MGST1: variants seen among roughly 807,000 people sequenced by gnomAD.
MGST1 encodes the protein glutathione S-transferase 12.
A neutral mutation model predicts 8.9 loss-of-function variants in MGST1; 5 were observed. The ratio of observed to expected loss-of-function variants is 0.56; its 90% CI spans 0.29 to 1.19. MGST1 has a LOEUF of 1.19. MGST1 is among the 50% of genes most tolerant of loss of function. The probability of loss-of-function intolerance (pLI) is 0.08; values close to 1 mark genes in which losing one functional copy is unlikely to be tolerated. For synonymous variants in MGST1, 54 were observed against 67.8 expected (o/e 0.80, Z 1.00); for missense variants, 182 against 187.4 (o/e 0.97, Z 0.17).
At chr12:16,372,732 G>A (rs990532058) in intron 3 of MGST1, among the ~76,000 whole-genome samples, 1 of 151,576 alleles carries the variant, frequency 6.6e-6, no homozygotes, top group Non-Finnish European at 1.5e-5. Flanking sequence ...GTACTCTCAC[G>A]TGTATTACAG....
chr12:16,450,091 A>T (rs1306057525), intron 4 of MGST1, among the ~76,000 whole-genome samples: 1 of 151,972 alleles, frequency 6.6e-6, no homozygotes, highest in Non-Finnish European at 1.5e-5. Flanking sequence ...TTATAGCCAC[A>T]CTGTGACATG....
chr12:16,502,765 C>A (rs553845661), intron 4 of MGST1, among the ~76,000 whole-genome samples: 2 of 152,206 alleles, frequency 1.3e-5, no homozygotes, highest in African/African-American at 4.8e-5. Context: ...ATATGTTACA[C>A]TAAGCATTGT....
At chr12:16,492,139 T>C (rs1366059825) in intron 4 of MGST1, among the ~76,000 whole-genome samples, 1 of 152,226 alleles carries the variant, frequency 6.6e-6, no homozygotes, top group Non-Finnish European at 1.5e-5. Context: ...TGGAATGATA[T>C]GTAGGATGGT....
chr12:16,469,341 A>G (rs1272608703), intron 4 of MGST1, among the ~76,000 whole-genome samples: 1 of 152,012 alleles, frequency 6.6e-6, no homozygotes. Flanking sequence ...ATGTGCCACC[A>G]TGTCCAGCTA....
chr12:16,489,825 C>T (rs775079327), intron 4 of MGST1, among the ~76,000 whole-genome samples: 17 of 152,150 alleles, frequency 1.1e-4, no homozygotes, highest in Non-Finnish European at 2.9e-5. Context: ...TTATTTTCTA[C>T]CGCCATGAAA....
rs911367416 is a variant in MGST1, at chr12:16,585,211, T to C, written n.483-4317T>C. 2.0e-5 allele frequency among the ~76,000 whole-genome samples: 3 copies of C among 152,222 alleles called. No homozygotes were observed. The highest frequency in any genetic ancestry group is 2.0e-4 in the Admixed American group (3 of 15,278). On this transcript the variant is annotated intron_variant and non_coding_transcript_variant, in intron 4 of 4. Transcript: ENST00000538857. The surrounding 1 kb of genome is among the most constrained non-coding windows in gnomAD (Gnocchi z 4.7). ...TCCGGAACCTGGAGGCAATTGAGTT[T>C]GTAATTCCCGTCTTAGCCCTTGGCA... is the stretch of plus-strand genomic sequence containing the variant.
At chr12:16,392,449 C>T (rs986065227) in intron 1 of MGST1, among the ~76,000 whole-genome samples, 3 of 152,126 alleles carry the variant, frequency 2.0e-5, no homozygotes, top group Non-Finnish European at 4.4e-5. Context: ...AGATTTCTAT[C>T]AAATTTCTTT....
chr12:16,375,714 G>A (rs754043958), intron 3 of MGST1, among the ~76,000 whole-genome samples: 12 of 151,848 alleles, frequency 7.9e-5, no homozygotes, highest in Non-Finnish European at 1.3e-4. Context: ...TACTGAATTT[G>A]AATTAGAAGT....
intron 4 of MGST1, among the ~76,000 whole-genome samples, chr12:16,474,636 C>G (rs896282350): frequency 6.6e-6 from 1 of 152,266 alleles, no homozygotes; most frequent in Admixed American, 6.5e-5. Context: ...TTTTTGATCC[C>G]CTTTCTCCCT....
chr12:16,357,588 T>TC lies in MGST1; in HGVS notation c.127-16dup. 6.2e-7 allele frequency: 1 copy of TC among 1,601,780 alleles called. No individual in the cohort carries two copies. The highest frequency in any genetic ancestry group is 8.5e-7 in the Non-Finnish European group (1 of 1,172,918). On this transcript the variant is annotated splice_polypyrimidine_tract_variant and intron_variant, in intron 2 of 3. Transcript: ENST00000396210. ...GCCAGTATTTGAAATAAGTTTTTTTTCTTGGTATTTGGATAGGTTTTTGCC... is the reference window on the plus strand; with the variant it reads ...GCCAGTATTTGAAATAAGTTTTTTTTCCTTGGTATTTGGATAGGTTTTTGCC...
At chr12:16,348,474 G>A (rs1175561907) in intron 1 of MGST1, among the ~76,000 whole-genome samples, 1 of 152,254 alleles carries the variant, frequency 6.6e-6, no homozygotes, top group East Asian at 1.9e-4. Flanking sequence ...GGACAGAGGA[G>A]AGAGGAGTGC....
intron 4 of MGST1, among the ~76,000 whole-genome samples, chr12:16,536,137 G>A (rs1394243165): frequency 6.6e-6 from 1 of 151,056 alleles, no homozygotes; most frequent in South Asian, 2.1e-4. Flanking sequence ...GAGGAGTAGG[G>A]GAGTTTCTTG....
chr12:16,376,896 T>C (rs2137033430), exon 4 of MGST1: 1 of 152,208 alleles, frequency 6.6e-6, no homozygotes, highest in South Asian at 2.1e-4. Context: ...TTGTTAATTG[T>C]TGACACTGTG....
chr12:16,522,542 C>T (rs1220814303), intron 4 of MGST1, among the ~76,000 whole-genome samples: 1 of 151,936 alleles, frequency 6.6e-6, no homozygotes, highest in Non-Finnish European at 1.5e-5. Flanking sequence ...TCATTACTTG[C>T]CATCATTATT....
intron 1 of MGST1, among the ~76,000 whole-genome samples, chr12:16,412,011 G>A (rs117169854): frequency 1.9e-3 from 291 of 152,250 alleles, no homozygotes; most frequent in Non-Finnish European, 3.6e-3. Flanking sequence ...GTATAAACTA[G>A]TGCCTGATAA....
intron 4 of MGST1, among the ~76,000 whole-genome samples, chr12:16,470,065 G>A (rs56223973): frequency 0.033 from 4,953 of 152,154 alleles, 106 homozygotes; most frequent in Non-Finnish European, 0.047. Context: ...ATATTCTAGT[G>A]TCTATGACTA....
At chr12:16,509,428 C>G (rs1941561948) in intron 4 of MGST1, among the ~76,000 whole-genome samples, 1 of 152,030 alleles carries the variant, frequency 6.6e-6, no homozygotes, top group Admixed American at 6.6e-5. Flanking sequence ...AAAAAGAAAC[C>G]ACTGCATAGT....
intron 4 of MGST1, among the ~76,000 whole-genome samples, chr12:16,542,438 C>T (rs1174917557): frequency 6.6e-6 from 1 of 152,180 alleles, no homozygotes; most frequent in African/African-American, 2.4e-5. Context: ...TATGGCATTC[C>T]TCATATCCAG....
chr12:16,378,094 G>T (rs1023199141), downstream of MGST1, among the ~76,000 whole-genome samples: 11 of 152,034 alleles, frequency 7.2e-5, no homozygotes, highest in Non-Finnish European at 2.9e-5. Flanking sequence ...CATTCTGTAG[G>T]TTGCCTGTTC....
Sources: allele counts gnomAD v4.1 joint callset (sites outside exome capture counted in the v4.1 genomes callset), GRCh38; gene constraint gnomAD v4.1.1; non-coding constraint Gnocchi (gnomAD v3.1); transcripts MANE v1.5; gene names NCBI Gene and HGNC (gene_info 2026-07-23, HGNC 2026-07-21).